Variants in IMMP2L observed in about 807,000 individuals in gnomAD.
IMMP2L encodes the protein mitochondrial inner membrane protease subunit 2.
In IMMP2L, 18 loss-of-function variants were observed where a neutral mutation model predicts 19.3. The observed-to-expected ratio is 0.93, with a 90% CI of 0.64 to 1.38. IMMP2L has a LOEUF of 1.38. Among genes scored for constraint, IMMP2L ranks in the 40% most tolerant of loss-of-function variants. The pLI is 0.00. For synonymous variants in IMMP2L, 76 were observed against 73.0 expected, an observed-to-expected ratio of 1.04 and a Z score of -0.21; for missense variants, 233 against 218.2, an observed-to-expected ratio of 1.07 and a Z score of -0.43.
At chr7:110,941,790 A>C (rs2129553069) in intron 4 of IMMP2L, among the ~76,000 whole-genome samples, 1 of 152,290 alleles carries the variant, frequency 6.6e-6, no homozygotes, top group Middle Eastern at 3.4e-3. Flanking sequence ...AAAATCATGA[A>C]CTCAATTCAA....
chr7:110,817,673 G>T (rs185340390), intron 5 of IMMP2L, among the ~76,000 whole-genome samples: 19 of 152,100 alleles, frequency 1.2e-4, no homozygotes, highest in Non-Finnish European at 2.5e-4. Flanking sequence ...TAACCCAAAA[G>T]AACAAAGCCG....
At chr7:111,010,458 C>T (rs1290699630) in intron 3 of IMMP2L, among the ~76,000 whole-genome samples, 2 of 151,980 alleles carry the variant, frequency 1.3e-5, no homozygotes, top group African/African-American at 4.8e-5. Flanking sequence ...TAGATAAAGA[C>T]AGGTAATCAA....
At chr7:110,736,436 C>G (rs1273843745) in intron 5 of IMMP2L, among the ~76,000 whole-genome samples, 1 of 152,112 alleles carries the variant, frequency 6.6e-6, no homozygotes. Context: ...GACCCTGGAC[C>G]AGCAGAGCCA....
chr7:111,239,050 C>T (rs916223296), intron 3 of IMMP2L, among the ~76,000 whole-genome samples: 1 of 151,904 alleles, frequency 6.6e-6, no homozygotes, highest in African/African-American at 2.4e-5. Context: ...GGAACCTTTC[C>T]AATATCTCTG....
intron 5 of IMMP2L, among the ~76,000 whole-genome samples, chr7:110,864,060 T>C (rs370411569): frequency 6.6e-6 from 1 of 152,138 alleles, no homozygotes; most frequent in Non-Finnish European, 1.5e-5. Flanking sequence ...AAGATAGTTA[T>C]GTAGGATTTG....
At chr7:110,788,244 C>T (rs1800221448) in intron 5 of IMMP2L, among the ~76,000 whole-genome samples, 1 of 152,026 alleles carries the variant, frequency 6.6e-6, no homozygotes, top group South Asian at 2.1e-4. Flanking sequence ...TGTTCTTGAA[C>T]CCTCACTAAG....
At chr7:111,281,188 AAG>A (rs1315401002) in intron 3 of IMMP2L, among the ~76,000 whole-genome samples, 18 of 59,548 alleles carry the variant, frequency 3.0e-4, no homozygotes, top group African/African-American at 9.9e-4. Context: ...GAAAGAAAGA[AAG>A]AAAGAAAGAA....
chr7:111,231,784 T>TA (rs1197182558), intron 3 of IMMP2L, among the ~76,000 whole-genome samples: 3 of 151,958 alleles, frequency 2.0e-5, no homozygotes, highest in South Asian at 2.1e-4. Flanking sequence ...ATAATCTTCA[T>TA]AAAAAACTCT....
chr7:111,159,205 TC>T (rs1179621455), intron 3 of IMMP2L, among the ~76,000 whole-genome samples: 1 of 152,146 alleles, frequency 6.6e-6, no homozygotes, highest in African/African-American at 2.4e-5. Context: ...AACCTCCGCC[TC>T]CCAGATTCAA....
At chr7:111,377,246 AAT>A (rs745587822) in intron 3 of IMMP2L, among the ~76,000 whole-genome samples, 1 of 151,766 alleles carries the variant, frequency 6.6e-6, no homozygotes, top group Admixed American at 6.6e-5. Flanking sequence ...TTCATATGTA[AAT>A]ATATATATGT....
At chr7:110,813,721 T>C (rs1802218204) in intron 5 of IMMP2L, among the ~76,000 whole-genome samples, 1 of 147,322 alleles carries the variant, frequency 6.8e-6, no homozygotes, top group African/African-American at 2.5e-5. Context: ...AAGAGACAGA[T>C]CAGAAATTCT....
In IMMP2L at chr7:110,758,568, G is replaced by A. The variant is rs1217104079; in HGVS notation, c.409-94847C>T. On this transcript the variant is annotated intron_variant, in intron 5 of 5. Transcript: ENST00000405709. The surrounding 1 kb of genome is among the most constrained non-coding windows in gnomAD (Gnocchi z 4.6). ...GGCTATGAGCAAGAAGAGGTCTCAG[G>A]GCATGTGACATTGAGCTATTTAGCA... Among the ~76,000 whole-genome samples the A allele has an allele frequency of 6.6e-6, 1 of 151,918 alleles. No homozygotes were observed. The highest frequency in any genetic ancestry group is 1.5e-5 in the Non-Finnish European group (1 of 67,962).
At chr7:111,549,130 T>C (rs58837321) in intron 1 of IMMP2L, among the ~76,000 whole-genome samples, 3,051 of 152,276 alleles carry the variant, frequency 0.02, 103 homozygotes, top group African/African-American at 0.07. Flanking sequence ...ATAACCATCT[T>C]TTTGGCAGTA....
At chr7:111,053,855 G>A (rs1219206667) in intron 3 of IMMP2L, among the ~76,000 whole-genome samples, 1 of 152,004 alleles carries the variant, frequency 6.6e-6, no homozygotes. Context: ...TCAGATTACA[G>A]AATAATAAAA....
At chr7:111,485,276 C>T (rs1283060474) in intron 3 of IMMP2L, among the ~76,000 whole-genome samples, 1 of 151,960 alleles carries the variant, frequency 6.6e-6, no homozygotes, top group African/African-American at 2.4e-5. Flanking sequence ...TTGTACATGA[C>T]AAAGATATAG....
At chr7:110,770,947 T>C (rs1798991408) in intron 5 of IMMP2L, among the ~76,000 whole-genome samples, 2 of 152,114 alleles carry the variant, frequency 1.3e-5, no homozygotes, top group African/African-American at 4.8e-5. Context: ...GGGATTTACA[T>C]AGCACTTGCT....
At chr7:111,513,877 T>C (rs1845659373) in intron 2 of IMMP2L, among the ~76,000 whole-genome samples, 1 of 152,002 alleles carries the variant, frequency 6.6e-6, no homozygotes, top group Non-Finnish European at 1.5e-5. Context: ...ATCTTGTTAT[T>C]TGTGACAGTG....
At chr7:111,386,485 T>C (rs1365745345) in intron 3 of IMMP2L, among the ~76,000 whole-genome samples, 1 of 152,148 alleles carries the variant, frequency 6.6e-6, no homozygotes, top group Admixed American at 6.6e-5. Context: ...TTTGAGAATA[T>C]TTCTAAGCAT....
At chr7:111,088,534 A>G (rs1418529693) in intron 3 of IMMP2L, among the ~76,000 whole-genome samples, 1 of 152,032 alleles carries the variant, frequency 6.6e-6, no homozygotes, top group Non-Finnish European at 1.5e-5. Flanking sequence ...ATTAGCAGAG[A>G]CCTGTCAATC....
Sources: gnomAD v4.1 joint callset for allele counts (sites outside exome capture counted in the v4.1 genomes callset) on GRCh38, gnomAD v4.1.1 for gene constraint, Gnocchi (gnomAD v3.1) non-coding constraint, MANE v1.5 for transcripts, NCBI Gene and HGNC (gene_info 2026-07-23, HGNC 2026-07-21) for gene names.